CYP2C8: variants seen among roughly 807,000 people sequenced by gnomAD.
CYP2C8 encodes cytochrome P450 2C8.
Under a neutral mutation model 41.3 loss-of-function variants are expected in CYP2C8, and 51 were observed. The ratio of observed to expected loss-of-function variants is 1.24; its 90% CI spans 0.99 to 1.56. CYP2C8 has a LOEUF of 1.56. Among genes scored for constraint, CYP2C8 ranks in the 40% most tolerant of loss-of-function variants. The probability of loss-of-function intolerance (pLI) is 0.00; values close to 1 mark genes in which losing one functional copy is unlikely to be tolerated. For missense variants in CYP2C8, 651 were observed against 579.9 expected, an observed-to-expected ratio of 1.12 and a Z score of -1.26; for synonymous variants, 218 against 205.8, an observed-to-expected ratio of 1.06 and a Z score of -0.51.
intron 8 of CYP2C8, among the ~76,000 whole-genome samples, chr10:95,038,217 C>A (rs765075626): frequency 1.1e-4 from 17 of 152,166 alleles, no homozygotes; most frequent in Non-Finnish European, 2.2e-4. Flanking sequence ...GGAATCACTG[C>A]AAAATAACCT....
intron 5 of CYP2C8, among the ~76,000 whole-genome samples, chr10:95,054,298 G>GA (rs745557087): frequency 2.6e-5 from 4 of 151,858 alleles, no homozygotes; most frequent in Non-Finnish European, 4.4e-5. Context: ...AGAAAGAAAG[G>GA]AAAAATCTAA....
At position 95,037,192 on chromosome 10, in the gene CYP2C8, G is replaced by A. The variant is rs1257323911; in HGVS notation, c.1409C>T (p.Thr470Ile). The A allele has an allele frequency of 6.2e-7, 1 of 1,613,950 alleles. No homozygotes were observed. ...AGAAACAATCCCTTTGGTAACTGCA[G>A]TAGTATTGAGGTTCTTTAAATCATC... ...SVDDLKNLNTTAVTKGIVSLP... is the reference protein window; with the variant it reads ...SVDDLKNLNTIAVTKGIVSLP... The change falls in exon 9 of 9, where the codon ACT becomes ATT. Residue 470 changes from threonine to isoleucine, a missense_variant. Physicochemically the swap from Thr to Ile is moderately conservative, Grantham distance 89. Transcript: ENST00000371270.
rs370055521 is a variant in CYP2C8 at position 95,067,159 on chromosome 10, T to C, written c.481+49A>G. On this transcript the variant is annotated intron_variant, in intron 3 of 8. Coordinates refer to ENST00000371270, the MANE Select transcript of CYP2C8 (RefSeq NM_000770.3). ...GAAATGTTTCCAAGGACGTCACTAGTGAAGACAGGTAACTGTTAAGGTCAA... is the reference window on the plus strand; with the variant it reads ...GAAATGTTTCCAAGGACGTCACTAGCGAAGACAGGTAACTGTTAAGGTCAA... The C allele has an allele frequency of 3.7e-5, 59 of 1,613,504 alleles. No individual in the cohort carries two copies. In the African/African-American group the frequency reaches 7.6e-4, roughly 21 times the overall value.
intron 1 of CYP2C8, chr10:95,068,770 G>T (rs2033621577): frequency 5.7e-6 from 3 of 522,738 alleles, no homozygotes; most frequent in East Asian, 6.8e-5. Flanking sequence ...GACTTAGAAA[G>T]ACAAAAGAGG....
At chr10:95,059,968 A>G (rs1319250470) in intron 4 of CYP2C8, among the ~76,000 whole-genome samples, 1 of 151,874 alleles carries the variant, frequency 6.6e-6, no homozygotes, top group African/African-American at 2.4e-5. Flanking sequence ...CTGTGGTATT[A>G]TTTCTGAGGG....
At chr10:95,053,482 C>T (rs2033249397) in intron 5 of CYP2C8, among the ~76,000 whole-genome samples, 1 of 152,126 alleles carries the variant, frequency 6.6e-6, no homozygotes, top group African/African-American at 2.4e-5. Flanking sequence ...TTTATTGCAG[C>T]ACTATTTACA....
chr10:95,054,943 C>G (rs555477063), intron 5 of CYP2C8, among the ~76,000 whole-genome samples: 2 of 151,948 alleles, frequency 1.3e-5, no homozygotes, highest in Non-Finnish European at 2.9e-5. Context: ...ATTGAAATGG[C>G]ACACGTATAC....
intron 7 of CYP2C8, among the ~76,000 whole-genome samples, chr10:95,042,579 G>T (rs888869985): frequency 2.0e-4 from 31 of 152,270 alleles, no homozygotes; most frequent in African/African-American, 7.5e-4. Context: ...GCATGAACAT[G>T]TTAAGTCTTT....
chr10:95,039,094 A>G (rs953844612), intron 7 of CYP2C8, 56 bp from the exon 8 acceptor site: 2 of 1,486,244 alleles, frequency 1.3e-6, no homozygotes, highest in Non-Finnish European at 1.9e-6. Context: ...AGTGAGGAGA[A>G]GTAGTGGACA....
intron 7 of CYP2C8, among the ~76,000 whole-genome samples, chr10:95,042,345 T>C (rs964472104): frequency 1.3e-5 from 2 of 152,152 alleles, no homozygotes; most frequent in African/African-American, 4.8e-5. Context: ...AGTTGTTAGA[T>C]ATAAGGTCAT....
chr10:95,063,286 T>C (rs1393262125), intron 4 of CYP2C8, among the ~76,000 whole-genome samples: 1 of 152,244 alleles, frequency 6.6e-6, no homozygotes, highest in Non-Finnish European at 1.5e-5. Flanking sequence ...CAATCAGACG[T>C]AGATTTGGTC....
rs2134410510 is a variant in CYP2C8 at position 95,042,982 on chromosome 10, G to A, written c.1057C>T (p.His353Tyr). ...AGGTCACTGTATCTCTGGATCTCGT[G>A]CACTACAGCATCAGTGTAAGGCATG... Reference protein sequence around the residue: ...SHMPYTDAVVHEIQRYSDLVP... With the variant: ...SHMPYTDAVVYEIQRYSDLVP... The change falls in exon 7 of 9, where the codon CAC (histidine) becomes TAC (tyrosine). Residue 353 changes from histidine to tyrosine, a missense_variant. His to Tyr is a moderately conservative substitution (Grantham distance 83). Transcript: ENST00000371270. The A allele has an allele frequency of 6.2e-7, 1 of 1,614,128 alleles. No homozygotes were observed. Among genetic ancestry groups the A allele is most frequent in the Non-Finnish European group, 8.5e-7 (1 of 1,179,958 alleles).
intron 5 of CYP2C8, 38 bp from the exon 6 acceptor site, chr10:95,045,989 T>TA: frequency 6.2e-7 from 1 of 1,610,440 alleles, no homozygotes; most frequent in Non-Finnish European, 8.5e-7. Context: ...ACAAATTATG[T>TA]GCCAGTATAT....
At chr10:95,049,656 C>T (rs900289261) in intron 5 of CYP2C8, among the ~76,000 whole-genome samples, 27 of 152,036 alleles carry the variant, frequency 1.8e-4, no homozygotes, top group Non-Finnish European at 7.4e-5. Context: ...GGTAAATAAA[C>T]CTGAAAGGCA....
intron 7 of CYP2C8, among the ~76,000 whole-genome samples, chr10:95,041,697 C>T (rs1471243695): frequency 2.1e-5 from 3 of 145,342 alleles, no homozygotes; most frequent in Admixed American, 7.3e-5. Flanking sequence ...AGGAGAATGG[C>T]GTGAACCCGG....
intron 3 of CYP2C8, among the ~76,000 whole-genome samples, chr10:95,066,406 C>G (rs2033568778): frequency 1.3e-5 from 2 of 151,584 alleles, no homozygotes; most frequent in South Asian, 4.2e-4. Flanking sequence ...GAAAACATAG[C>G]CAAATTACAT....
intron 4 of CYP2C8, among the ~76,000 whole-genome samples, chr10:95,061,035 T>A (rs903855312): frequency 1.3e-5 from 2 of 152,206 alleles, no homozygotes; most frequent in African/African-American, 4.8e-5. Context: ...GCTGCTGGAT[T>A]CAGTTTGCCG....
chr10:95,058,083 T>G (rs2033345325), intron 5 of CYP2C8, among the ~76,000 whole-genome samples: 1 of 152,178 alleles, frequency 6.6e-6, no homozygotes, highest in African/African-American at 2.4e-5. Flanking sequence ...TCCATTTGAC[T>G]GCAGTGTCTA....
intron 6 of CYP2C8, among the ~76,000 whole-genome samples, chr10:95,045,084 G>T (rs2033081399): frequency 1.3e-5 from 2 of 152,154 alleles, no homozygotes; most frequent in Non-Finnish European, 2.9e-5. Context: ...CAGGGAAAAA[G>T]GTATGTTATC....
Sources: gnomAD v4.1 joint callset for allele counts (sites outside exome capture counted in the v4.1 genomes callset) on GRCh38, gnomAD v4.1.1 for gene constraint, MANE v1.5 for transcripts, NCBI Gene and HGNC (gene_info 2026-07-23, HGNC 2026-07-21) for gene names.